Variants in CENPH observed in about 807,000 individuals in gnomAD.
The protein encoded by CENPH is CENP-H.
In CENPH, 40 loss-of-function variants were observed where a neutral mutation model predicts 42.9. The ratio of observed to expected loss-of-function variants is 0.93; its 90% confidence interval spans 0.72 to 1.21. The LOEUF is 1.21. Among genes scored for constraint, CENPH ranks in the 50% most tolerant of loss-of-function variants. The pLI, the probability that CENPH is intolerant of heterozygous loss-of-function variation, is 0.00. For missense variants in CENPH, 302 were observed against 292.9 expected (o/e 1.03, Z -0.23); for synonymous variants, 88 against 96.5 (o/e 0.91, Z 0.52).
At chr5:69,194,395 C>G (rs1049762754) in intron 2 of CENPH, among the ~76,000 whole-genome samples, 1 of 152,120 alleles carries the variant, frequency 6.6e-6, no homozygotes, top group Non-Finnish European at 1.5e-5. Context: ...TTGAGATGGG[C>G]TGTAAATGTA....
chr5:69,209,593 C>T (rs1246699085), intron 8 of CENPH, 114 bp from the exon 9 acceptor site: 1 of 586,576 alleles, frequency 1.7e-6, no homozygotes, highest in South Asian at 2.2e-5. Flanking sequence ...GATCACAGAG[C>T]TACACATGTA....
rs774075320 is a variant in CENPH at position 69,189,782 on chromosome 5, GCCT to G, written c.134+19_134+21del. On this transcript the variant is annotated intron_variant, in intron 1 of 8. Coordinates refer to ENST00000283006, the MANE Select transcript of CENPH (RefSeq NM_022909.4). ...CCTGCTCCTCAGGTTGTTCCCTTTGGCCTCCTCAGCCGGGGCCAAGTGGGCGTT... is the reference window on the plus strand; with the variant it reads ...CCTGCTCCTCAGGTTGTTCCCTTTGGCCTCAGCCGGGGCCAAGTGGGCGTT... 2 of 1,447,802 alleles carry G rather than the reference GCCT, an allele frequency of 1.4e-6. No individual in the cohort carries two copies. The highest frequency in any genetic ancestry group is 1.4e-5 in the South Asian group (1 of 71,788). 89.7% of individuals were successfully genotyped at this position (1,447,802 alleles called of 1,614,324 possible).
rs1358466857 is a variant in CENPH, at chr5:69,196,613, C to T, written c.315-440C>T. ...TGAGCCGAGATGACGCCACTGTGCA[C>T]TCCATTGTGGGTGACAGAGCAAGAT... On this transcript the variant is annotated intron_variant, in intron 4 of 8. Coordinates refer to ENST00000283006, the MANE Select transcript of CENPH (RefSeq NM_022909.4). 5.3e-5 allele frequency among the ~76,000 whole-genome samples: 8 copies of T among 152,262 alleles called. No individual in the cohort carries two copies. In the South Asian group the frequency reaches 1.5e-3, roughly 28 times the overall value.
At chr5:69,206,188 GTT>G (rs869288321) in intron 7 of CENPH, among the ~76,000 whole-genome samples, 1 of 142,298 alleles carries the variant, frequency 7.0e-6, no homozygotes, top group Admixed American at 7.1e-5. Context: ...TGTTGGTTGG[GTT>G]TTTTTTTTTT....
At chr5:69,197,220 G>A (rs1747978641) in intron 5 of CENPH, 111 bp downstream of exon 5, 1 of 562,950 alleles carries the variant, frequency 1.8e-6, no homozygotes, top group East Asian at 3.3e-5. Context: ...TGGGGAATAA[G>A]GAAAGTGATG....
intron 5 of CENPH, among the ~76,000 whole-genome samples, chr5:69,201,843 G>A (rs1373125799): frequency 6.6e-6 from 1 of 152,206 alleles, no homozygotes; most frequent in Non-Finnish European, 1.5e-5. Context: ...GGGTGGCAGA[G>A]CGAGACCCTG....
chr5:69,202,801 G>T, intron 6 of CENPH, 118 bp from the exon 7 acceptor site: 2 of 667,280 alleles, frequency 3.0e-6, no homozygotes, highest in Non-Finnish European at 2.5e-6. Flanking sequence ...GGAAATAGAG[G>T]AATTGAAAAC....
In CENPH at chr5:69,197,115, ATT is replaced by A; in HGVS notation, c.371+15_371+16del. Reference sequence around the variant, plus strand: ...AAAATTAGCAGACAGTCTAGGTATGATTTTTTTTTTCTCTGGATTCGGTAAGG... The same window carrying A: ...AAAATTAGCAGACAGTCTAGGTATGATTTTTTTTCTCTGGATTCGGTAAGG... On this transcript the variant is annotated splice_region_variant and intron_variant, in intron 5 of 8. Transcript: ENST00000283006. 2.7e-6 allele frequency: 4 copies of A among 1,474,514 alleles called. No individual in the cohort carries two copies. Among genetic ancestry groups the A allele is most frequent in the Admixed American group, 2.3e-5 (1 of 43,124 alleles). The allele number at this position is 1,474,514 out of a possible 1,614,324, so 91.3% of individuals were successfully genotyped here.
At position 69,209,725 on chromosome 5, in the gene CENPH, A is replaced by C. The variant is rs755554422; in HGVS notation, c.670A>C (p.Lys224Gln). The change falls in exon 9 of 9, where the codon AAA (lysine) becomes CAA (glutamine). Residue 224 changes from lysine (K) to glutamine (Q), a missense_variant. Lys to Gln is a moderately conservative substitution (Grantham distance 53). Coordinates refer to ENST00000283006, the MANE Select transcript of CENPH (RefSeq NM_022909.4). ...TTTACAGAACCTTATTTTGGGGAGT[A>C]AAGTCAATTGGGCAGAGGATCCTGC... ...HVFQNLILGS[K>Q]VNWAEDPALK... 6.3e-7 allele frequency: 1 copy of C among 1,598,302 alleles called. No individual in the cohort carries two copies. Among genetic ancestry groups the C allele is most frequent in the South Asian group, 1.1e-5 (1 of 89,018 alleles).
At chr5:69,201,720 A>G (rs1313718851) in intron 5 of CENPH, among the ~76,000 whole-genome samples, 4 of 152,132 alleles carry the variant, frequency 2.6e-5, no homozygotes, top group Non-Finnish European at 4.4e-5. Flanking sequence ...TTAGTGGGAC[A>G]TGGTAGTGTA....
At chr5:69,194,138 C>T (rs1178961926) in intron 2 of CENPH, among the ~76,000 whole-genome samples, 1 of 151,936 alleles carries the variant, frequency 6.6e-6, no homozygotes, top group Non-Finnish European at 1.5e-5. Flanking sequence ...GATCCCTACA[C>T]AAGTGCCACA....
chr5:69,209,800 T>C lies in CENPH; in HGVS notation c.*1T>C. ...TGAGAAGAATGTTGACATGATGTAA[T>C]AAGAATTCATTTCTGACATATTTTA... On this transcript the variant is annotated 3_prime_UTR_variant, in exon 9 of 9. Coordinates refer to ENST00000283006, the MANE Select transcript of CENPH (RefSeq NM_022909.4). The C allele has an allele frequency of 6.6e-7, 1 of 1,523,138 alleles. No individual in the cohort carries two copies. The highest frequency in any genetic ancestry group is 9.1e-7 in the Non-Finnish European group (1 of 1,100,358). 94.4% of individuals were successfully genotyped at this position (1,523,138 alleles called of 1,614,324 possible).
At chr5:69,196,192 C>T (rs776874294) in intron 4 of CENPH, among the ~76,000 whole-genome samples, 1 of 152,114 alleles carries the variant, frequency 6.6e-6, no homozygotes, top group Non-Finnish European at 1.5e-5. Flanking sequence ...TCACCTCAGC[C>T]TCCCCAAAAT....
At chr5:69,209,641 A>T in intron 8 of CENPH, 66 bp from the exon 9 acceptor site, 2 of 716,568 alleles carry the variant, frequency 2.8e-6, no homozygotes, top group Non-Finnish European at 2.4e-6. Context: ...ATGAAAAATG[A>T]TATTCTAAAA....
At chr5:69,209,683 T>A in intron 8 of CENPH, 24 bp from the exon 9 acceptor site, 1 of 1,302,436 alleles carries the variant, frequency 7.7e-7, no homozygotes. Flanking sequence ...CTTGTAACTT[T>A]AAAACAATTT....
intron 7 of CENPH, among the ~76,000 whole-genome samples, chr5:69,206,459 G>A (rs1023981113): frequency 6.6e-6 from 1 of 150,512 alleles, no homozygotes; most frequent in Non-Finnish European, 1.5e-5. Context: ...GGGATTATAC[G>A]CATGAGCCAC....
rs1747952802 is a variant in CENPH, at chr5:69,195,760, G to T, written c.283G>T (p.Ala95Ser). The change falls in exon 4 of 9, where the codon GCT (alanine) becomes TCT (serine). Residue 95 changes from alanine to serine, a missense_variant. Physicochemically the swap from Ala to Ser is moderately conservative, Grantham distance 99 (BLOSUM62 1). Transcript: ENST00000283006. ...LENEIEEVKVAFEIKKLALDR... is the reference protein window; with the variant it reads ...LENEIEEVKVSFEIKKLALDR... ...AAATGAAATTGAAGAGGTAAAAGTT[G>T]CTTTTGAGATAAAAAAGCTTGCATT... 1 of 1,559,790 alleles carries T rather than the reference G, an allele frequency of 6.4e-7. No homozygotes were observed. Among genetic ancestry groups the T allele is most frequent in the Non-Finnish European group, 8.7e-7 (1 of 1,149,032 alleles).
intron 2 of CENPH, among the ~76,000 whole-genome samples, chr5:69,194,302 G>T (rs1466491836): frequency 1.3e-5 from 2 of 152,034 alleles, no homozygotes; most frequent in Non-Finnish European, 2.9e-5. Context: ...GGGACTACAG[G>T]CATGCACTAT....
At chr5:69,191,938 G>A (rs1179286591) in intron 2 of CENPH, 88 bp downstream of exon 2, 3 of 747,492 alleles carry the variant, frequency 4.0e-6, no homozygotes, top group South Asian at 1.6e-5. Flanking sequence ...AGGCTGTAAT[G>A]TAGTGGCGCA....
Sources: gnomAD v4.1 joint callset for allele counts (sites outside exome capture counted in the v4.1 genomes callset) on GRCh38, gnomAD v4.1.1 for gene constraint, MANE v1.5 for transcripts, NCBI Gene and HGNC (gene_info 2026-07-23, HGNC 2026-07-21) for gene names.